The following NCAM1 variants were observed in gnomAD, a reference collection of about 807,000 sequenced individuals.
NCAM1 encodes neural cell adhesion molecule 1, also known as antigen recognized by monoclonal antibody 5.1H11.
NCAM1 carries 14 observed loss-of-function variants against 109.8 expected under a neutral mutation model. That is an observed-to-expected ratio of 0.13 (90% confidence interval 0.08 to 0.20). The LOEUF is 0.20. Ranked by LOEUF, NCAM1 falls within the 10% of genes least tolerant of loss-of-function variation. The pLI is 1.00. For synonymous variants in NCAM1, 418 were observed against 442.9 expected (o/e 0.94, Z 0.70); for missense variants, 774 against 1,109.9 (o/e 0.70, Z 4.30).
intron 1 of NCAM1, among the ~76,000 whole-genome samples, chr11:113,103,741 C>T (rs1939989826): frequency 6.6e-6 from 1 of 152,098 alleles, no homozygotes; most frequent in Non-Finnish European, 1.5e-5. Context: ...TTTGTCTTTG[C>T]AGGCCATATG....
At chr11:113,094,313 C>T (rs1001516480) in intron 1 of NCAM1, among the ~76,000 whole-genome samples, 48 of 152,256 alleles carry the variant, frequency 3.2e-4, no homozygotes, top group African/African-American at 9.9e-4. Context: ...CAGAGTTAGA[C>T]GATAGACATC....
chr11:112,980,030 G>C (rs1352494674), intron 1 of NCAM1, among the ~76,000 whole-genome samples: 1 of 151,628 alleles, frequency 6.6e-6, no homozygotes, highest in Admixed American at 6.6e-5. Context: ...CTGATAAAGG[G>C]CATCTATGAA....
At chr11:113,039,626 C>G (rs974437877) in intron 1 of NCAM1, among the ~76,000 whole-genome samples, 1 of 152,134 alleles carries the variant, frequency 6.6e-6, no homozygotes, top group African/African-American at 2.4e-5. Flanking sequence ...GTTATTTCAG[C>G]GTCAGACCCT....
intron 1 of NCAM1, among the ~76,000 whole-genome samples, chr11:113,171,280 C>G (rs1428784067): frequency 3.3e-5 from 5 of 152,148 alleles, no homozygotes; most frequent in African/African-American, 1.2e-4. Flanking sequence ...GATCTATTCC[C>G]CCATATTGTT....
At chr11:113,055,638 C>T (rs1953670540) in intron 1 of NCAM1, among the ~76,000 whole-genome samples, 1 of 152,122 alleles carries the variant, frequency 6.6e-6, no homozygotes, top group South Asian at 2.1e-4. Flanking sequence ...CTGTGATCCC[C>T]ACCTCCTGGT....
At chr11:113,132,195 G>T (rs1555098443) in intron 1 of NCAM1, among the ~76,000 whole-genome samples, 2 of 152,162 alleles carry the variant, frequency 1.3e-5, no homozygotes, top group African/African-American at 2.4e-5. Context: ...TTGGCCAGGG[G>T]TCAAAGGTCA....
intron 9 of NCAM1, among the ~76,000 whole-genome samples, chr11:113,225,448 A>G (rs1565511786): frequency 6.6e-6 from 1 of 152,250 alleles, no homozygotes; most frequent in Non-Finnish European, 1.5e-5. Flanking sequence ...GACCAAATCT[A>G]CATCTGATTG....
At chr11:113,234,878 C>T (rs181001056) in intron 13 of NCAM1, among the ~76,000 whole-genome samples, 155 bp from the exon 14 acceptor site, 13 of 152,294 alleles carry the variant, frequency 8.5e-5, no homozygotes, top group Admixed American at 2.0e-4. Flanking sequence ...TGTTTGGTCC[C>T]GACTTTCAAT....
intron 1 of NCAM1, among the ~76,000 whole-genome samples, chr11:113,154,832 A>AG: frequency 1.3e-5 from 2 of 152,322 alleles, no homozygotes; most frequent in Middle Eastern, 6.8e-3. Flanking sequence ...ACAAAGAAGA[A>AG]GGTGCACCTA....
intron 1 of NCAM1, among the ~76,000 whole-genome samples, chr11:113,013,444 AAAG>A (rs1952125001): frequency 6.6e-6 from 1 of 151,614 alleles, no homozygotes; most frequent in Non-Finnish European, 1.5e-5. Flanking sequence ...AAAAAAAAAA[AAAG>A]AAGCGAAAGA....
At chr11:112,994,921 T>C (rs1364638363) in intron 1 of NCAM1, among the ~76,000 whole-genome samples, 1 of 152,158 alleles carries the variant, frequency 6.6e-6, no homozygotes, top group Non-Finnish European at 1.5e-5. Context: ...GATAAAGGTA[T>C]TGGAGACTTG....
intron 1 of NCAM1, among the ~76,000 whole-genome samples, chr11:113,187,559 GTTTC>G (rs1555109096): frequency 4.5e-5 from 5 of 110,492 alleles, no homozygotes; most frequent in Non-Finnish European, 7.6e-5. Context: ...GTGTGTGTGT[GTTTC>G]TGTGTGTGTG....
At chr11:112,994,802 T>A (rs192656421) in intron 1 of NCAM1, among the ~76,000 whole-genome samples, 1 of 152,366 alleles carries the variant, frequency 6.6e-6, no homozygotes, top group East Asian at 1.9e-4. Flanking sequence ...CCTGCTTCTT[T>A]AGGCACTATT....
chr11:113,001,534 T>C lies in NCAM1; in HGVS notation c.52+39870T>C, dbSNP rs118133834. On this transcript the variant is annotated intron_variant, in intron 1 of 19. Coordinates refer to ENST00000316851, the MANE Select transcript of NCAM1 (RefSeq NM_181351.5). ...TCTAGATGGAGACAATAGAAGGTTA[T>C]CTAGTAAATAGCACAGCAAAGTCTG... Among the ~76,000 whole-genome samples, 277 of 152,304 alleles carry C rather than the reference T, an allele frequency of 1.8e-3. 1 individual carries two copies. Among genetic ancestry groups the C allele is most frequent in the Non-Finnish European group, 3.2e-3 (216 of 68,032 alleles).
intron 1 of NCAM1, among the ~76,000 whole-genome samples, chr11:113,170,035 G>A (rs1157054040): frequency 6.6e-6 from 1 of 152,014 alleles, no homozygotes; most frequent in Admixed American, 6.6e-5. Flanking sequence ...CAACTCTTTT[G>A]TAGATCAAAG....
At chr11:113,159,821 A>G (rs1591375344) in intron 1 of NCAM1, among the ~76,000 whole-genome samples, 1 of 149,924 alleles carries the variant, frequency 6.7e-6, no homozygotes, top group Admixed American at 6.6e-5. Context: ...TCGTCATTTA[A>G]CATTAGGTAT....
intron 1 of NCAM1, among the ~76,000 whole-genome samples, chr11:113,045,018 T>A (rs1334586147): frequency 6.6e-6 from 1 of 152,182 alleles, no homozygotes; most frequent in Non-Finnish European, 1.5e-5. Context: ...CCTCCCAAAG[T>A]GCTGGGATTA....
At chr11:113,253,425 C>A (rs1179949229) in intron 15 of NCAM1, among the ~76,000 whole-genome samples, 2 of 152,010 alleles carry the variant, frequency 1.3e-5, no homozygotes, top group African/African-American at 4.8e-5. Flanking sequence ...AGTTGGTAGT[C>A]CGTGCTAGTG....
intron 7 of NCAM1, among the ~76,000 whole-genome samples, chr11:113,210,327 T>C (rs1221373263): frequency 2.0e-5 from 3 of 152,142 alleles, no homozygotes; most frequent in Non-Finnish European, 4.4e-5. Flanking sequence ...ATTATCCCCA[T>C]TTTACAAAGG....
Sources: gnomAD v4.1 joint callset for allele counts (sites outside exome capture counted in the v4.1 genomes callset) on GRCh38, gnomAD v4.1.1 for gene constraint, MANE v1.5 for transcripts, NCBI Gene and HGNC (gene_info 2026-07-23, HGNC 2026-07-21) for gene names.